CLEC16A: variants seen among roughly 807,000 people sequenced by gnomAD.
CLEC16A encodes C-type lectin domain containing 16A, also known as protein CLEC16A.
CLEC16A carries 51 observed loss-of-function variants against 109.5 expected under a neutral mutation model. The observed-to-expected ratio is 0.47, with a 90% confidence interval of 0.37 to 0.59. The LOEUF is 0.59. CLEC16A is among the 20% of genes least tolerant of loss of function. The pLI is 0.00. For missense variants in CLEC16A, 1,339 were observed against 1,394.0 expected, an observed-to-expected ratio of 0.96 and a Z score of 0.63; for synonymous variants, 673 against 564.2, an observed-to-expected ratio of 1.19 and a Z score of -2.73.
chr16:11,141,368 C>G (rs1235998016), intron 22 of CLEC16A, among the ~76,000 whole-genome samples: 1 of 152,230 alleles, frequency 6.6e-6, no homozygotes, highest in African/African-American at 2.4e-5. Context: ...AGCTCACTCA[C>G]AGGAGGCAGA....
chr16:11,156,432 C>A, intron 22 of CLEC16A: 2 of 318,340 alleles, frequency 6.3e-6, no homozygotes, highest in Non-Finnish European at 1.2e-5. Context: ...CCTTGGGGGG[C>A]CATCCTTTGC....
intron 13 of CLEC16A, among the ~76,000 whole-genome samples, chr16:11,025,443 A>G (rs1157440212): frequency 6.6e-6 from 1 of 152,160 alleles, no homozygotes; most frequent in Non-Finnish European, 1.5e-5. Context: ...TCCAACTCCC[A>G]TGGGGTTGAC....
At chr16:11,046,582 C>A (rs1307373374) in intron 16 of CLEC16A, among the ~76,000 whole-genome samples, 1 of 152,116 alleles carries the variant, frequency 6.6e-6, no homozygotes. Flanking sequence ...CTGACCCAAC[C>A]CTGAACGAGT....
At chr16:11,130,097 C>G (rs1354494634) in intron 22 of CLEC16A, among the ~76,000 whole-genome samples, 1 of 152,196 alleles carries the variant, frequency 6.6e-6, no homozygotes, top group Non-Finnish European at 1.5e-5. Flanking sequence ...ACTGAGGTTC[C>G]TTACCTGGCT....
rs1013371801 is a variant in CLEC16A, at chr16:10,954,396, G to A, written c.81-3386G>A. 6.6e-6 allele frequency among the ~76,000 whole-genome samples: 1 copy of A among 152,098 alleles called. No homozygotes were observed. The highest frequency in any genetic ancestry group is 2.4e-5 in the African/African-American group (1 of 41,418). ...CCGCCCTGCCCTCTCTGCCTATAAG[G>A]GCCTTCTGGTAGTTACTAGGTCTTT... On this transcript the variant is annotated intron_variant, in intron 1 of 23. Transcript: ENST00000409790. This position sits in a 1 kb window ranked among gnomAD's most constrained non-coding sequence, Gnocchi z 4.2.
chr16:11,042,999 A>C (rs941798962), intron 15 of CLEC16A, among the ~76,000 whole-genome samples: 1 of 151,766 alleles, frequency 6.6e-6, no homozygotes, highest in African/African-American at 2.4e-5. Flanking sequence ...GTACATGTGA[A>C]TATATGTAAA....
chr16:11,129,724 T>A (rs2053064766), intron 22 of CLEC16A, among the ~76,000 whole-genome samples: 1 of 151,624 alleles, frequency 6.6e-6, no homozygotes. Flanking sequence ...AGCTCCTGGC[T>A]AGGGTTGTCC....
chr16:11,164,083 GAC>G (rs148087927), intron 22 of CLEC16A, among the ~76,000 whole-genome samples: 4 of 151,764 alleles, frequency 2.6e-5, no homozygotes, highest in African/African-American at 9.7e-5. Flanking sequence ...GCGGGCCCCC[GAC>G]ACACACACAC....
intron 19 of CLEC16A, among the ~76,000 whole-genome samples, chr16:11,088,734 G>A (rs923502912): frequency 6.6e-6 from 1 of 152,180 alleles, no homozygotes; most frequent in Non-Finnish European, 1.5e-5. Context: ...CCTTAGCATT[G>A]GCTGGAAAAT....
rs759654068 is a variant in CLEC16A at position 11,044,023 on chromosome 16, A to T, written c.1771-5A>T. ...CTCCTTCACACCTTCCTTCTCTTTT[A>T]ACAGGGTGCGAGAGAAGAAAGTGTT... On this transcript the variant is annotated splice_polypyrimidine_tract_variant and splice_region_variant and intron_variant, in intron 15 of 23. Transcript: ENST00000409790. The T allele has an allele frequency of 2.5e-6, 4 of 1,605,076 alleles. No homozygotes were observed. Among genetic ancestry groups the T allele is most frequent in the African/African-American group, 2.7e-5 (2 of 74,652 alleles).
intron 3 of CLEC16A, among the ~76,000 whole-genome samples, chr16:10,968,629 A>C (rs2042628995): frequency 6.6e-6 from 1 of 152,210 alleles, no homozygotes. Context: ...GAGCAGGATC[A>C]TGTGATGGTT....
chr16:10,987,603 T>C (rs2043753112), intron 10 of CLEC16A, among the ~76,000 whole-genome samples: 1 of 152,232 alleles, frequency 6.6e-6, no homozygotes, highest in South Asian at 2.1e-4. Flanking sequence ...TGCTTCCAGT[T>C]ACTACCTTTC....
chr16:11,093,235 A>C (rs1176637370), intron 19 of CLEC16A, among the ~76,000 whole-genome samples: 1 of 152,204 alleles, frequency 6.6e-6, no homozygotes, highest in East Asian at 1.9e-4. Context: ...AGTAGGCTTC[A>C]CTGGAGTGGC....
At chr16:11,165,389 G>T (rs552689250) in intron 22 of CLEC16A, among the ~76,000 whole-genome samples, 2 of 152,202 alleles carry the variant, frequency 1.3e-5, no homozygotes, top group South Asian at 4.1e-4. Flanking sequence ...CTGCTCAAGA[G>T]GCTGAGGCAG....
chr16:10,953,080 T>C (rs2145814227), intron 1 of CLEC16A, among the ~76,000 whole-genome samples: 1 of 152,334 alleles, frequency 6.6e-6, no homozygotes, highest in Non-Finnish European at 1.5e-5. Context: ...ATAGGCAATA[T>C]TGAAAAACAG....
At chr16:11,157,918 G>A (rs1273633236) in intron 22 of CLEC16A, among the ~76,000 whole-genome samples, 1 of 152,158 alleles carries the variant, frequency 6.6e-6, no homozygotes, top group African/African-American at 2.4e-5. Flanking sequence ...GTAGGATCCA[G>A]AGCTGCTTCT....
Position 11,149,454 on chromosome 16 carries a change from T to C in CLEC16A, c.2642-16934T>C, listed in dbSNP as rs550060360. ...CTTCTGTCTTCCCTGTTTTGTCTCT[T>C]TCTCTCATTTAAAAAAAAAAATACA... On this transcript the variant is annotated intron_variant, in intron 22 of 23. Transcript: ENST00000409790. Among the ~76,000 whole-genome samples the C allele has an allele frequency of 2.0e-5, 3 of 152,238 alleles. No individual in the cohort carries two copies. In the South Asian group the frequency reaches 6.2e-4, roughly 32 times the overall value.
intron 19 of CLEC16A, among the ~76,000 whole-genome samples, chr16:11,075,044 TTGCACCAC>T (rs2049272741): frequency 6.6e-6 from 1 of 152,118 alleles, no homozygotes; most frequent in African/African-American, 2.4e-5. Context: ...TGAGTAATGA[TTGCACCAC>T]TGCACTCCGG....
In CLEC16A at chr16:11,178,615, G is replaced by C. The variant is rs748618212; in HGVS notation, c.3087G>C (p.Thr1029=). 6.2e-7 allele frequency: 1 copy of C among 1,600,692 alleles called. No homozygotes were observed. Among genetic ancestry groups the C allele is most frequent in the East Asian group, 2.2e-5 (1 of 44,636 alleles). ...TCACCGGCATGCCCCCGCTGTCCACGCCGGCTGCCGCCTGCACAGAGCCCG... is the reference window on the plus strand; with the variant it reads ...TCACCGGCATGCCCCCGCTGTCCACCCCGGCTGCCGCCTGCACAGAGCCCG... ...RSLTGMPPLS[T]PAAACTEPVG... is the part of the protein sequence containing the mutation. The change falls in exon 24 of 24, where the codon ACG becomes ACC. Residue 1029 remains threonine (T), a synonymous_variant. Coordinates refer to ENST00000409790, the MANE Select transcript of CLEC16A (RefSeq NM_015226.3). This position sits in a 1 kb window ranked among gnomAD's most constrained non-coding sequence, Gnocchi z 6.5.
Sources: gnomAD v4.1 joint callset for allele counts (sites outside exome capture counted in the v4.1 genomes callset) on GRCh38, gnomAD v4.1.1 for gene constraint, Gnocchi (gnomAD v3.1) non-coding constraint, MANE v1.5 for transcripts, NCBI Gene and HGNC (gene_info 2026-07-23, HGNC 2026-07-21) for gene names.